SPARC: variants seen among roughly 807,000 people sequenced by gnomAD.
SPARC encodes secreted protein acidic and cysteine rich.
In SPARC, 23 loss-of-function variants were observed where a neutral mutation model predicts 37.7. The observed-to-expected ratio is 0.61, with a 90% confidence interval of 0.44 to 0.87. The LOEUF is 0.87. Ranked by LOEUF, SPARC falls within the 40% of genes least tolerant of loss-of-function variation. The pLI, the probability that SPARC is intolerant of heterozygous loss-of-function variation, is 0.00. For synonymous variants in SPARC, 155 were observed against 150.8 expected, an observed-to-expected ratio of 1.03 and a Z score of -0.20; for missense variants, 312 against 389.0, an observed-to-expected ratio of 0.80 and a Z score of 1.66.
chr5:151,670,505 C>T (rs573360597), intron 5 of SPARC, among the ~76,000 whole-genome samples: 1 of 152,298 alleles, frequency 6.6e-6, no homozygotes, highest in South Asian at 2.1e-4. Context: ...CAGTCTCCAC[C>T]CAGATTCCTC....
chr5:151,681,088 T>C (rs1296838835), intron 1 of SPARC, among the ~76,000 whole-genome samples: 3 of 152,152 alleles, frequency 2.0e-5, no homozygotes, highest in African/African-American at 7.2e-5. Context: ...ACTATTTGGC[T>C]TGGAAACAAG....
intron 4 of SPARC, chr5:151,672,877 C>A: frequency 2.0e-6 from 1 of 501,966 alleles, no homozygotes. Flanking sequence ...GGGGAGAAGC[C>A]CATTTCCAGC....
chr5:151,665,586 C>T (rs1450814369), intron 8 of SPARC, among the ~76,000 whole-genome samples: 1 of 152,156 alleles, frequency 6.6e-6, no homozygotes, highest in African/African-American at 2.4e-5. Context: ...AAGAAAAAAC[C>T]ACTCTGGGAA....
chr5:151,667,672 C>G (rs953705871), intron 6 of SPARC, 72 bp from the exon 7 acceptor site: 5 of 1,542,942 alleles, frequency 3.2e-6, no homozygotes, highest in African/African-American at 1.4e-5. Context: ...GGCCCCCACC[C>G]ACCCACATAC....
At position 151,671,496 on chromosome 5, in the gene SPARC, C is replaced by A. The variant is rs967290275; in HGVS notation, c.330+77G>T. On this transcript the variant is annotated intron_variant, in intron 5 of 9. Coordinates refer to ENST00000231061, the MANE Select transcript of SPARC (RefSeq NM_003118.4). ...GCACTGCCCCATAGAACCACCAAGC[C>A]AACAGTTTCCTGAGCAGACATCCTG... 105 of 1,482,342 alleles carry A rather than the reference C, an allele frequency of 7.1e-5. 1 individual carries two copies. The highest frequency in any genetic ancestry group is 2.1e-5 in the Non-Finnish European group (23 of 1,112,850). 91.8% of individuals were successfully genotyped at this position (1,482,342 alleles called of 1,614,324 possible). A position where few individuals can be genotyped will look rare whatever the true frequency, so the allele number is the denominator to read the frequency against.
At chr5:151,672,819 C>T (rs1222363221) in intron 4 of SPARC, 6 of 379,716 alleles carry the variant, frequency 1.6e-5, no homozygotes, top group Non-Finnish European at 1.5e-5. Flanking sequence ...TCAGCGACCT[C>T]CGTGGGACTG....
intron 1 of SPARC, 63 bp from the exon 2 acceptor site, chr5:151,676,264 G>T: frequency 1.7e-6 from 2 of 1,154,438 alleles, no homozygotes; most frequent in South Asian, 1.3e-5. Flanking sequence ...ATTTCCTTCT[G>T]AATTCCTGAT....
At chr5:151,673,406 T>C (rs1417282494) in intron 3 of SPARC, among the ~76,000 whole-genome samples, 190 bp from the exon 4 acceptor site, 4 of 152,132 alleles carry the variant, frequency 2.6e-5, no homozygotes, top group Non-Finnish European at 4.4e-5. Flanking sequence ...ACCAGGGGTG[T>C]TAGGGAAAGA....
rs1376787456 is a variant in SPARC at position 151,667,668 on chromosome 5, C to T, written c.452-68G>A. ...GGCCGTGCTCCCCACCCCAGGCCCC[C>T]ACCCACCCACATACCACCTGCATTG... is the stretch of plus-strand genomic sequence containing the variant. On this transcript the variant is annotated intron_variant, in intron 6 of 9. Transcript: ENST00000231061. The T allele has an allele frequency of 2.3e-5, 35 of 1,547,702 alleles. No individual in the cohort carries two copies. The Admixed American group carries it at 5.8e-4, about 26-fold the overall frequency.
Position 151,667,618 on chromosome 5 carries a change from G to A in SPARC, c.452-18C>T, listed in dbSNP as rs1434725754. 6.2e-7 allele frequency: 1 copy of A among 1,613,666 alleles called. No homozygotes were observed. Among genetic ancestry groups the A allele is most frequent in the Non-Finnish European group, 8.5e-7 (1 of 1,179,888 alleles). On this transcript the variant is annotated intron_variant, in intron 6 of 9. Coordinates refer to ENST00000231061, the MANE Select transcript of SPARC (RefSeq NM_003118.4). ...GGGGATGTCTAGGTTCCAAACACAA[G>A]GGCGGTCAGCACAGACCCTGCCTGG...
Position 151,676,202 on chromosome 5 carries a change from C to T in SPARC, c.-13-1G>A. 4 of 1,608,214 alleles carry T rather than the reference C, an allele frequency of 2.5e-6. No individual in the cohort carries two copies. The highest frequency in any genetic ancestry group is 3.4e-6 in the Non-Finnish European group (4 of 1,177,504). On this transcript the variant is annotated splice_acceptor_variant, in intron 1 of 9. Transcript: ENST00000231061. LOFTEE classifies it low-confidence loss of function (5UTR_SPLICE). ...CCAGGCCCTCATGGTGCTGGGAACC[C>T]TATGGGGAGGAGAGATTGAGAGTTC...
intron 1 of SPARC, among the ~76,000 whole-genome samples, chr5:151,683,619 T>C (rs1761061644): frequency 2.0e-5 from 3 of 152,240 alleles, no homozygotes; most frequent in South Asian, 2.1e-4. Flanking sequence ...TATGTTTGAC[T>C]GTGCACATCC....
intron 6 of SPARC, among the ~76,000 whole-genome samples, chr5:151,669,206 A>G (rs377411952): frequency 2.6e-5 from 4 of 152,328 alleles, no homozygotes; most frequent in East Asian, 3.9e-4. Flanking sequence ...TGACAGTACC[A>G]AGTAACAGGG....
At position 151,673,850 on chromosome 5, in the gene SPARC, C is replaced by G. The variant is rs527489042; in HGVS notation, c.121-634G>C. ...CTCAGAACTTCCTGAGGCTGTGTCA[C>G]AGGCACATTCTTAACCTTGGCAAAG... On this transcript the variant is annotated intron_variant, in intron 3 of 9. Transcript: ENST00000231061. Among the ~76,000 whole-genome samples the G allele has an allele frequency of 4.1e-4, 63 of 152,278 alleles. 1 individual carries two copies. The highest frequency in any genetic ancestry group is 5.9e-5 in the Non-Finnish European group (4 of 68,016).
At chr5:151,666,771 T>A (rs762861938) in intron 7 of SPARC, among the ~76,000 whole-genome samples, 2 of 152,232 alleles carry the variant, frequency 1.3e-5, no homozygotes, top group Non-Finnish European at 2.9e-5. Context: ...ACACCTGTAA[T>A]CCCAGCGCTT....
chr5:151,671,796 C>A, intron 4 of SPARC, 102 bp from the exon 5 acceptor site: 1 of 1,516,610 alleles, frequency 6.6e-7, no homozygotes. Context: ...TGACTGTGGC[C>A]CCCACTCTGG....
chr5:151,668,848 A>G (rs534074281), intron 6 of SPARC, among the ~76,000 whole-genome samples: 1 of 152,242 alleles, frequency 6.6e-6, no homozygotes, highest in South Asian at 2.1e-4. Flanking sequence ...GGGTCCCACG[A>G]GGAGAACTTT....
chr5:151,683,637 T>G (rs1195595268), intron 1 of SPARC, among the ~76,000 whole-genome samples: 1 of 152,248 alleles, frequency 6.6e-6, no homozygotes, highest in Non-Finnish European at 1.5e-5. Flanking sequence ...TCCATCCATG[T>G]GTGGCTGCAA....
In SPARC at chr5:151,663,153, G is replaced by A. The variant is rs2113078696; in HGVS notation, c.*418C>T. 6.0e-6 allele frequency: 1 copy of A among 167,640 alleles called. No individual in the cohort carries two copies. Among genetic ancestry groups the A allele is most frequent in the Non-Finnish European group, 1.3e-5 (1 of 77,984 alleles). 10.4% of individuals were successfully genotyped at this position (167,640 alleles called of 1,614,324 possible). ...TTTGCCCACCTCCAGGCCACCTGGG[G>A]AAGCCCACAGGCAGCCAAGACCCTG... is the stretch of plus-strand genomic sequence containing the variant. On this transcript the variant is annotated 3_prime_UTR_variant, in exon 10 of 10. Transcript: ENST00000231061.
Sources: gnomAD v4.1 joint callset for allele counts (sites outside exome capture counted in the v4.1 genomes callset) on GRCh38, gnomAD v4.1.1 for gene constraint, MANE v1.5 for transcripts, NCBI Gene and HGNC (gene_info 2026-07-23, HGNC 2026-07-21) for gene names.